The following RASGRF2 variants were observed in gnomAD, a reference collection of about 807,000 sequenced individuals.
The protein encoded by RASGRF2 is ras-specific guanine nucleotide-releasing factor 2.
A neutral mutation model predicts 151.0 loss-of-function variants in RASGRF2; 76 were observed. The ratio of observed to expected loss-of-function variants is 0.50; its 90% confidence interval spans 0.42 to 0.61. The LOEUF is 0.61. RASGRF2 is among the 20% of genes least tolerant of loss of function. The pLI, the probability that RASGRF2 is intolerant of heterozygous loss-of-function variation, is 0.00. For synonymous variants in RASGRF2, 504 were observed against 566.5 expected, an observed-to-expected ratio of 0.89 and a Z score of 1.57; for missense variants, 1,148 against 1,564.6, an observed-to-expected ratio of 0.73 and a Z score of 4.49.
At chr5:80,973,331 T>C (rs1207591002) in intron 1 of RASGRF2, among the ~76,000 whole-genome samples, 1 of 152,200 alleles carries the variant, frequency 6.6e-6, no homozygotes, top group Non-Finnish European at 1.5e-5. Flanking sequence ...ACAAAAGTCA[T>C]GATGTTCTTC....
In RASGRF2 at chr5:81,085,864, A is replaced by G; in HGVS notation, c.1224A>G (p.Glu408=). 6.2e-7 allele frequency: 1 copy of G among 1,614,144 alleles called. No individual in the cohort carries two copies. The highest frequency in any genetic ancestry group is 1.1e-5 in the South Asian group (1 of 91,074). ...LLAHTPHEHV[E]RKSLEFAKSK... ...CTCACACACCCCATGAGCATGTGGAAAGGAAAAGCCTGGAGTTTGCCAAAT... is the reference window on the plus strand; with the variant it reads ...CTCACACACCCCATGAGCATGTGGAGAGGAAAAGCCTGGAGTTTGCCAAAT... The change falls in exon 8 of 27, where the codon GAA becomes GAG. Residue 408 remains glutamate, a synonymous_variant. Transcript: ENST00000265080.
intron 17 of RASGRF2, among the ~76,000 whole-genome samples, chr5:81,171,009 C>T (rs1177603504): frequency 6.6e-6 from 1 of 152,062 alleles, no homozygotes; most frequent in Admixed American, 6.6e-5. Flanking sequence ...TGTGTTTAGA[C>T]ATTAAAACCT....
intron 18 of RASGRF2, among the ~76,000 whole-genome samples, chr5:81,200,107 CA>C (rs149513715): frequency 0.1 from 15,177 of 151,018 alleles, 882 homozygotes; most frequent in Middle Eastern, 0.18. Context: ...CCTGTCTCTA[CA>C]AAAAATTTAA....
chr5:81,004,167 T>C (rs1749188267), intron 1 of RASGRF2, among the ~76,000 whole-genome samples: 1 of 152,230 alleles, frequency 6.6e-6, no homozygotes, highest in Admixed American at 6.5e-5. Context: ...CCTAAGAGCA[T>C]GTAAGGTTCT....
In RASGRF2 at chr5:80,961,088, A is replaced by G. The variant is rs558146671; in HGVS notation, c.288+62A>G. 2.4e-4 allele frequency: 328 copies of G among 1,388,342 alleles called. 2 individuals are homozygous for G. In the East Asian group the frequency reaches 7.5e-3, roughly 32 times the overall value. 86.0% of individuals were successfully genotyped at this position (1,388,342 alleles called of 1,614,324 possible). A position where few individuals can be genotyped will look rare whatever the true frequency, so the allele number is the denominator to read the frequency against. On this transcript the variant is annotated intron_variant, in intron 1 of 26. Coordinates refer to ENST00000265080, the MANE Select transcript of RASGRF2 (RefSeq NM_006909.3). ...GATCGCCGCACTCCCTTGCCGTCCT[A>G]ATCCGGGGATCAGGGGTCGGGGGTC...
intron 26 of RASGRF2, among the ~76,000 whole-genome samples, chr5:81,223,980 G>C (rs1438583524): frequency 6.6e-6 from 1 of 152,182 alleles, no homozygotes; most frequent in Admixed American, 6.6e-5. Flanking sequence ...AGCCAAGCTT[G>C]ATAAAGTTAA....
At chr5:81,068,735 T>C (rs1463664192) in intron 3 of RASGRF2, among the ~76,000 whole-genome samples, 1 of 152,150 alleles carries the variant, frequency 6.6e-6, no homozygotes, top group African/African-American at 2.4e-5. Flanking sequence ...GAGTGTGAAC[T>C]TCTCAGGCCT....
Position 81,206,904 on chromosome 5 carries a change from T to G in RASGRF2, c.2966T>G (p.Met989Arg). 2.5e-6 allele frequency: 4 copies of G among 1,604,228 alleles called. No individual in the cohort carries two copies. In the South Asian group the frequency reaches 4.4e-5, roughly 18 times the overall value. Residue 989 changes from methionine (M) to arginine (R), a missense_variant and splice_region_variant, in exon 20 of 27, where the codon ATG (methionine) becomes AGG (arginine). Met to Arg is a moderately conservative substitution (Grantham distance 91). Transcript: ENST00000265080. ...CTAAAATTAGAGGATATAATTCAAA[T>G]GGTAAGTCTGACCACATTTTTATCT... ...IHLKLEDIIQ[M>R]TDCMKAECFE...
At chr5:81,136,094 C>A (rs925525253) in intron 17 of RASGRF2, among the ~76,000 whole-genome samples, 5 of 152,176 alleles carry the variant, frequency 3.3e-5, no homozygotes, top group African/African-American at 4.8e-5. Flanking sequence ...CTCACTGCAA[C>A]CTCCACCTCC....
chr5:81,091,210 C>T (rs890990260), intron 9 of RASGRF2, among the ~76,000 whole-genome samples: 1 of 152,204 alleles, frequency 6.6e-6, no homozygotes, highest in African/African-American at 2.4e-5. Flanking sequence ...TGATTGCATC[C>T]TGAGCCCTAT....
intron 5 of RASGRF2, among the ~76,000 whole-genome samples, chr5:81,076,691 G>A (rs1331866446): frequency 6.6e-6 from 1 of 152,074 alleles, no homozygotes; most frequent in East Asian, 1.9e-4. Context: ...TAGTTAGGAG[G>A]CAAGGACATC....
At chr5:81,221,255 G>A (rs764018520) in intron 26 of RASGRF2, among the ~76,000 whole-genome samples, 2 of 152,104 alleles carry the variant, frequency 1.3e-5, no homozygotes, top group South Asian at 2.1e-4. Context: ...CACACCTAAG[G>A]AATGGAGAAT....
intron 1 of RASGRF2, among the ~76,000 whole-genome samples, chr5:80,964,757 C>T (rs1747671295): frequency 6.6e-6 from 1 of 152,006 alleles, no homozygotes; most frequent in Admixed American, 6.6e-5. Flanking sequence ...ATTACATGTT[C>T]AAAGAAAAAC....
chr5:81,058,900 A>T (rs1290055025), intron 2 of RASGRF2, among the ~76,000 whole-genome samples: 1 of 151,806 alleles, frequency 6.6e-6, no homozygotes, highest in Non-Finnish European at 1.5e-5. Context: ...GAATAATATG[A>T]TTTATTTCAT....
intron 1 of RASGRF2, among the ~76,000 whole-genome samples, chr5:80,973,704 G>C (rs1165196513): frequency 6.6e-6 from 1 of 152,162 alleles, no homozygotes; most frequent in Admixed American, 6.5e-5. Flanking sequence ...TAATCACCTC[G>C]CTCCCATTTT....
At chr5:81,057,875 A>G (rs1751278787) in intron 2 of RASGRF2, among the ~76,000 whole-genome samples, 1 of 152,040 alleles carries the variant, frequency 6.6e-6, no homozygotes, top group Non-Finnish European at 1.5e-5. Flanking sequence ...ATGCACCTGT[A>G]GTCCCAGCTA....
intron 12 of RASGRF2, among the ~76,000 whole-genome samples, chr5:81,099,907 C>CTTTTTTTTTT (rs577876645): frequency 8.8e-5 from 11 of 125,028 alleles, no homozygotes; most frequent in African/African-American, 1.5e-4. Context: ...TTTCTTTTTT[C>CTTTTTTTTTT]TTTTTTTTTT....
intron 17 of RASGRF2, among the ~76,000 whole-genome samples, chr5:81,168,179 C>A (rs1754556310): frequency 6.6e-6 from 1 of 152,020 alleles, no homozygotes; most frequent in Non-Finnish European, 1.5e-5. Context: ...AGCCCCTCCG[C>A]TTTGCCCCAT....
intron 1 of RASGRF2, among the ~76,000 whole-genome samples, chr5:81,028,455 G>A (rs1420293796): frequency 6.6e-6 from 1 of 151,778 alleles, no homozygotes; most frequent in Non-Finnish European, 1.5e-5. Context: ...TCTAGAGTGG[G>A]AAGATTTCCC....
Sources: gnomAD v4.1 joint callset for allele counts (sites outside exome capture counted in the v4.1 genomes callset) on GRCh38, gnomAD v4.1.1 for gene constraint, MANE v1.5 for transcripts, NCBI Gene and HGNC (gene_info 2026-07-23, HGNC 2026-07-21) for gene names.